WDFY4: variants seen among roughly 807,000 people sequenced by gnomAD.
The protein encoded by WDFY4 is WDFY family member 4.
Under a neutral mutation model 351.9 loss-of-function variants are expected in WDFY4, and 169 were observed. The ratio of observed to expected loss-of-function variants is 0.48; its 90% CI spans 0.42 to 0.55. The LOEUF is 0.55. Ranked by LOEUF, WDFY4 falls within the 20% of genes least tolerant of loss-of-function variation. The probability of loss-of-function intolerance (pLI) is 0.00; values close to 1 mark genes in which losing one functional copy is unlikely to be tolerated. For missense variants in WDFY4, 3,803 were observed against 3,935.6 expected (o/e 0.97, Z 0.90); for synonymous variants, 1,622 against 1,574.6 (o/e 1.03, Z -0.71).
chr10:48,753,808 TA>T (rs1464785638), intron 12 of WDFY4, among the ~76,000 whole-genome samples: 2 of 152,242 alleles, frequency 1.3e-5, no homozygotes, highest in East Asian at 3.8e-4. Flanking sequence ...CTTTATCTTT[TA>T]AAATATTGCT....
In WDFY4 at chr10:48,960,005, G is replaced by A. The variant is rs551577133; in HGVS notation, c.8223+192G>A. On this transcript the variant is annotated intron_variant, in intron 53 of 61. Transcript: ENST00000325239. The stretch of plus-strand genomic sequence containing the variant: ...GCTTGAGCTCTGGGCTGTTTCAAGA[G>A]CTCCAGTAGACCCTGCCTGGGTGCC... Among the ~76,000 whole-genome samples the A allele has an allele frequency of 4.6e-5, 7 of 152,352 alleles. No homozygotes were observed. In the East Asian group the frequency reaches 9.6e-4, roughly 21 times the overall value.
intron 26 of WDFY4, 143 bp from the exon 27 acceptor site, chr10:48,805,861 A>T: frequency 1.4e-6 from 1 of 726,374 alleles, no homozygotes; most frequent in Admixed American, 2.1e-5. Context: ...AGTCTCTGGA[A>T]ATACACAGCA....
intron 12 of WDFY4, among the ~76,000 whole-genome samples, chr10:48,759,681 A>G (rs2065442447): frequency 6.6e-6 from 1 of 152,186 alleles, no homozygotes; most frequent in African/African-American, 2.4e-5. Context: ...TGCTCCTCAG[A>G]CCAGAAACAG....
intron 15 of WDFY4, 75 bp from the exon 16 acceptor site, chr10:48,776,675 T>TAAAAAA: frequency 7.5e-7 from 1 of 1,339,272 alleles, no homozygotes; most frequent in Non-Finnish European, 9.9e-7. Context: ...CGGCAGATAC[T>TAAAAAA]TTGGGGTTAT....
chr10:48,788,735 G>C (rs2066580243), intron 21 of WDFY4, 60 bp downstream of exon 21: 1 of 1,536,924 alleles, frequency 6.5e-7, no homozygotes, highest in South Asian at 1.2e-5. Flanking sequence ...GTTTGCATTA[G>C]CTTTCAGTGC....
chr10:48,710,932 T>C (rs10776636), intron 2 of WDFY4, among the ~76,000 whole-genome samples: 40,346 of 152,106 alleles, frequency 0.27, 6,164 homozygotes, highest in East Asian at 0.65. Context: ...AGTTGTAGCA[T>C]TGAAAGCACT....
chr10:48,908,042 C>A (rs2671695), intron 47 of WDFY4, among the ~76,000 whole-genome samples: 45,474 of 152,126 alleles, frequency 0.3, 8,492 homozygotes, highest in Non-Finnish European at 0.42. Flanking sequence ...CTAGGTCATG[C>A]TCAGACCTTG....
intron 31 of WDFY4, among the ~76,000 whole-genome samples, chr10:48,816,533 T>A (rs1190546995): frequency 6.6e-6 from 1 of 152,226 alleles, no homozygotes; most frequent in Non-Finnish European, 1.5e-5. Flanking sequence ...CTTCAAGAAA[T>A]TTATTCATGG....
intron 54 of WDFY4, among the ~76,000 whole-genome samples, chr10:48,965,732 C>T (rs1842044670): frequency 6.8e-6 from 1 of 147,686 alleles, no homozygotes; most frequent in Non-Finnish European, 1.5e-5. Context: ...CTGGGAGAGA[C>T]TGCAAGGTAG....
chr10:48,718,881 A>G (rs1475289359), intron 2 of WDFY4, among the ~76,000 whole-genome samples: 1 of 152,224 alleles, frequency 6.6e-6, no homozygotes, highest in Admixed American at 6.5e-5. Context: ...GAATTTTAAA[A>G]CTCATGACTT....
rs77999232 is a variant in WDFY4, at chr10:48,838,088, G to C, written c.6663+5379G>C. On this transcript the variant is annotated intron_variant, in intron 39 of 61. Transcript: ENST00000325239. ...TGAAATGGCCCATGCAGGGAAGTCA[G>C]GGCTGTGTAAGAATTAACAGAATGG... 9.8e-5 allele frequency among the ~76,000 whole-genome samples: 15 copies of C among 152,368 alleles called. No individual in the cohort carries two copies. In the East Asian group the frequency reaches 2.1e-3, roughly 22 times the overall value.
Position 48,820,104 on chromosome 10 carries a change from T to G in WDFY4, c.5506-130T>G. On this transcript the variant is annotated intron_variant, in intron 32 of 61. Transcript: ENST00000325239. ...CTGGATCCTGGGCAAGTTGCTTTCCTGTGCGGAGCCTCAATTTCCGTACAT... is the reference window on the plus strand; with the variant it reads ...CTGGATCCTGGGCAAGTTGCTTTCCGGTGCGGAGCCTCAATTTCCGTACAT... The G allele has an allele frequency of 2.9e-6, 3 of 1,029,578 alleles. No homozygotes were observed. The South Asian group carries it at 4.8e-5, about 16-fold the overall frequency. The allele number at this position is 1,029,578 out of a possible 1,614,324, so 63.8% of individuals were successfully genotyped here.
chr10:48,810,825 C>A (rs1165829898), intron 29 of WDFY4, 90 bp downstream of exon 29: 1 of 1,304,918 alleles, frequency 7.7e-7, no homozygotes, highest in Non-Finnish European at 1.0e-6. Context: ...TATTTGAGAC[C>A]ATCACAGCTC....
chr10:48,941,715 G>A, intron 47 of WDFY4, 91 bp from the exon 48 acceptor site: 1 of 1,344,276 alleles, frequency 7.4e-7, no homozygotes. Context: ...GAACACCCTG[G>A]TCCCGTGAAG....
chr10:48,746,519 G>A (rs766449827), intron 12 of WDFY4, among the ~76,000 whole-genome samples: 15 of 151,242 alleles, frequency 9.9e-5, no homozygotes, highest in Non-Finnish European at 2.2e-4. Context: ...AATCTAGTGT[G>A]GTATTATTTC....
In WDFY4 at chr10:48,930,108, A is replaced by G. The variant is rs1417358409; in HGVS notation, c.7587-11698A>G. ...AGCACAGAGTAGGCCCTTGGTCAATACTAGTTTAATAGATACAGTCTAAGC... is the reference window on the plus strand; with the variant it reads ...AGCACAGAGTAGGCCCTTGGTCAATGCTAGTTTAATAGATACAGTCTAAGC... On this transcript the variant is annotated intron_variant, in intron 47 of 61. Coordinates refer to ENST00000325239, the MANE Select transcript of WDFY4 (RefSeq NM_001394531.1). Among the ~76,000 whole-genome samples the G allele has an allele frequency of 2.6e-5, 4 of 151,996 alleles. No individual in the cohort carries two copies. The South Asian group carries it at 6.3e-4, about 24-fold the overall frequency.
intron 27 of WDFY4, among the ~76,000 whole-genome samples, chr10:48,806,669 TGCA>T (rs895056579): frequency 3.3e-5 from 5 of 152,254 alleles, no homozygotes; most frequent in Admixed American, 6.5e-5. Flanking sequence ...GGTGCAGAAC[TGCA>T]GCTGTGTCTT....
In WDFY4 at chr10:48,796,284, G is replaced by C. The variant is rs1227272889; in HGVS notation, c.4258-14G>C. 1 of 1,550,670 alleles carries C rather than the reference G, an allele frequency of 6.4e-7. No homozygotes were observed. Among genetic ancestry groups the C allele is most frequent in the African/African-American group, 1.4e-5 (1 of 72,968 alleles). Reference sequence around the variant, plus strand: ...TGCATTCATGAGGAAACTGCTTTGTGTTAACCTTTTCAGATAATGGCGTTT... The same window carrying C: ...TGCATTCATGAGGAAACTGCTTTGTCTTAACCTTTTCAGATAATGGCGTTT... On this transcript the variant is annotated splice_polypyrimidine_tract_variant and intron_variant, in intron 23 of 61. Coordinates refer to ENST00000325239, the MANE Select transcript of WDFY4 (RefSeq NM_001394531.1).
chr10:48,790,589 G>C, intron 22 of WDFY4, 138 bp from the exon 23 acceptor site: 1 of 939,320 alleles, frequency 1.1e-6, no homozygotes, highest in Non-Finnish European at 1.6e-6. Context: ...CCCCCAGCCT[G>C]TCCCAGGTGC....
Sources: allele counts gnomAD v4.1 joint callset (sites outside exome capture counted in the v4.1 genomes callset), GRCh38; gene constraint gnomAD v4.1.1; transcripts MANE v1.5; gene names NCBI Gene and HGNC (gene_info 2026-07-23, HGNC 2026-07-21).